PDE4C: variants seen among roughly 807,000 people sequenced by gnomAD.
PDE4C encodes 3',5'-cyclic-AMP phosphodiesterase 4C.
A neutral mutation model predicts 63.9 loss-of-function variants in PDE4C; 50 were observed. That is an observed-to-expected ratio of 0.78 (90% CI 0.62 to 0.99). PDE4C has a LOEUF of 0.99. PDE4C is among the 50% of genes least tolerant of loss of function. The probability of loss-of-function intolerance (pLI) is 0.00; values close to 1 mark genes in which losing one functional copy is unlikely to be tolerated. For missense variants in PDE4C, 777 were observed against 899.1 expected (o/e 0.86, Z 1.74); for synonymous variants, 377 against 385.1 (o/e 0.98, Z 0.25).
At chr19:18,210,754 C>T in exon 15 of PDE4C, 2 of 1,134,536 alleles carry the variant, frequency 1.8e-6, no homozygotes, top group Non-Finnish European at 2.4e-6. Flanking sequence ...TGGACCCCAG[C>T]CAGGTGCCTC....
chr19:18,222,566 C>G (rs1035512419), intron 1 of PDE4C, among the ~76,000 whole-genome samples: 1 of 151,596 alleles, frequency 6.6e-6, no homozygotes, highest in African/African-American at 2.4e-5. Context: ...GCTATGTGGC[C>G]ATGGACAGGT....
chr19:18,244,475 T>A (rs1387428019), intron 1 of PDE4C, among the ~76,000 whole-genome samples: 1 of 151,568 alleles, frequency 6.6e-6, no homozygotes, highest in African/African-American at 2.4e-5. Flanking sequence ...CTCCCTTTTG[T>A]TGTTGTTGGG....
chr19:18,237,739 G>T (rs1163007968), upstream of PDE4C, among the ~76,000 whole-genome samples: 1 of 151,812 alleles, frequency 6.6e-6, no homozygotes, highest in African/African-American at 2.4e-5. Context: ...CGGGCGTGGT[G>T]GCGGGCGCCT....
At chr19:18,237,416 T>A (rs1329686043), upstream of PDE4C, among the ~76,000 whole-genome samples, 3 of 152,136 alleles carry the variant, frequency 2.0e-5, no homozygotes, top group East Asian at 5.8e-4. Context: ...CCAGGCGTGG[T>A]GGTGCATGCC....
Position 18,214,589 on chromosome 19 carries a change from C to T in PDE4C, c.1390-1099G>A, listed in dbSNP as rs576600443. On this transcript the variant is annotated intron_variant, in intron 12 of 14. Coordinates refer to ENST00000262805, the Ensembl canonical transcript of PDE4C. ...TGTGGGGAGGGATGTGACTTCATAC[C>T]CCTCAAACTTCCATGTAGCCACCAT... Among the ~76,000 whole-genome samples, 30 of 152,084 alleles carry T rather than the reference C, an allele frequency of 2.0e-4. No homozygotes were observed. In the East Asian group the frequency reaches 4.8e-3, roughly 25 times the overall value.
At chr19:18,230,520 A>C (rs370930908), upstream of PDE4C, among the ~76,000 whole-genome samples, 1 of 152,080 alleles carries the variant, frequency 6.6e-6, no homozygotes, top group African/African-American at 2.4e-5. Context: ...TAATAAATAA[A>C]TAAATGCTTG....
upstream of PDE4C, among the ~76,000 whole-genome samples, chr19:18,234,566 G>A (rs1244176202): frequency 6.6e-6 from 1 of 152,164 alleles, no homozygotes; most frequent in African/African-American, 2.4e-5. Flanking sequence ...GTGAGATTTT[G>A]TACTCCCAGG....
intron 2 of PDE4C, 78 bp from the exon 3 acceptor site, chr19:18,221,375 G>GAGCAGGACCCCCTCAGTTGA: frequency 7.0e-7 from 1 of 1,425,504 alleles, no homozygotes; most frequent in South Asian, 1.3e-5. Flanking sequence ...CCTCAACTGA[G>GAGCAGGACCCCCTCAGTTGA]GGGGTCCTGC....
At chr19:18,218,870 G>A (rs1275704428) in intron 9 of PDE4C, 70 bp downstream of exon 9, 14 of 1,075,322 alleles carry the variant, frequency 1.3e-5, no homozygotes, top group Non-Finnish European at 1.7e-5. Flanking sequence ...GTGTCCCTGA[G>A]GTCTGTGGTA....
chr19:18,216,707 G>GC, intron 12 of PDE4C, 34 bp downstream of exon 12: 1 of 1,533,048 alleles, frequency 6.5e-7, no homozygotes, highest in Non-Finnish European at 8.8e-7. Context: ...GCTCCCCTCT[G>GC]CCCCTCCCGC....
At chr19:18,214,827 G>A (rs1423865590) in intron 12 of PDE4C, among the ~76,000 whole-genome samples, 1 of 151,514 alleles carries the variant, frequency 6.6e-6, no homozygotes, top group Non-Finnish European at 1.5e-5. Flanking sequence ...GCAGGCACCT[G>A]TAATCCCAGC....
chr19:18,249,343 C>T (rs1467191176), upstream of PDE4C, among the ~76,000 whole-genome samples: 1 of 152,116 alleles, frequency 6.6e-6, no homozygotes, highest in Non-Finnish European at 1.5e-5. Context: ...GGTGCAATCT[C>T]AGCTTACCGC....
At chr19:18,232,879 CT>C in intron 1 of PDE4C, 1 of 1,402,696 alleles carries the variant, frequency 7.1e-7, no homozygotes, top group Non-Finnish European at 9.3e-7. Context: ...AGCAAGGACC[CT>C]CCCCCACTCC....
At chr19:18,218,979 C>A (rs562524023) in exon 9 of PDE4C, 3 of 1,613,676 alleles carry the variant, frequency 1.9e-6, no homozygotes, top group Admixed American at 1.7e-5. Flanking sequence ...GGGGCCGGTT[C>A]CCACTTAGCT....
At chr19:18,221,053 C>CCAGGCCCCGCCCCACCCCG in intron 4 of PDE4C, 52 bp downstream of exon 4, 6 of 1,259,444 alleles carry the variant, frequency 4.8e-6, no homozygotes, top group Non-Finnish European at 6.7e-6. Context: ...CCGCTTTCCG[C>CCAGGCCCCGCCCCACCCCG]CCACCTTGTC....
chr19:18,241,133 G>T (rs1311572417), intron 1 of PDE4C, among the ~76,000 whole-genome samples: 1 of 152,098 alleles, frequency 6.6e-6, no homozygotes, highest in African/African-American at 2.4e-5. Flanking sequence ...AGCTGGGAGG[G>T]TGTGTCGGGA....
In PDE4C at chr19:18,245,520, C is replaced by T. The variant is rs1016473442; in HGVS notation, c.-210+2651G>A. On this transcript the variant is annotated intron_variant, in intron 1 of 15. Coordinates refer to the PDE4C transcript ENST00000594617. ...CCTTTGCATGTGCTGTGCCATCTGC[C>T]GGGGACACCCTTCCCCCGGCTGTTA... Among the ~76,000 whole-genome samples the T allele has an allele frequency of 1.2e-4, 19 of 152,226 alleles. No individual in the cohort carries two copies. In the Middle Eastern group the frequency reaches 0.01, roughly 82 times the overall value.
exon 14 of PDE4C, chr19:18,211,817 G>A (rs547282310): frequency 8.1e-6 from 13 of 1,614,226 alleles, no homozygotes; most frequent in East Asian, 2.2e-5. Context: ...GTCCAGGCCC[G>A]ACTCACGCTC....
exon 1 of PDE4C, chr19:18,233,146 A>G (rs1968886643): frequency 5.8e-6 from 9 of 1,558,536 alleles, no homozygotes; most frequent in African/African-American, 1.4e-5. Context: ...GAGCGACTCA[A>G]CCTGCTGCAA....
Sources: gnomAD v4.1 joint callset for allele counts (sites outside exome capture counted in the v4.1 genomes callset) on GRCh38, gnomAD v4.1.1 for gene constraint, MANE v1.5 for transcripts, NCBI Gene and HGNC (gene_info 2026-07-23, HGNC 2026-07-21) for gene names.